The following PSMG2 variants were observed in gnomAD, a reference collection of about 807,000 sequenced individuals.
PSMG2 encodes CD40 ligand-activated specific transcript 3.
PSMG2 carries 21 observed loss-of-function variants against 31.5 expected under a neutral mutation model. That is an observed-to-expected ratio of 0.67 (90% CI 0.47 to 0.96). The LOEUF (loss-of-function observed/expected upper bound fraction) is 0.96, where lower values mean the gene tolerates loss of function less well. PSMG2 is among the 40% of genes least tolerant of loss of function. The pLI, the probability that PSMG2 is intolerant of heterozygous loss-of-function variation, is 0.00. For synonymous variants in PSMG2, 120 were observed against 110.4 expected, an observed-to-expected ratio of 1.09 and a Z score of -0.54; for missense variants, 318 against 321.2, an observed-to-expected ratio of 0.99 and a Z score of 0.08.
intron 1 of PSMG2, among the ~76,000 whole-genome samples, chr18:12,688,828 T>C (rs1044583605): frequency 2.6e-5 from 4 of 152,036 alleles, no homozygotes; most frequent in Admixed American, 2.6e-4. Flanking sequence ...TTGCAAAAAG[T>C]TCTTGGCCAG....
chr18:12,712,607 C>T (rs1381402833), intron 2 of PSMG2, 95 bp from the exon 3 acceptor site: 3 of 860,972 alleles, frequency 3.5e-6, no homozygotes, highest in Admixed American at 4.6e-5. Context: ...CATTTAAATG[C>T]AAAAGGTATT....
chr18:12,709,532 C>G (rs1212397341), intron 2 of PSMG2, among the ~76,000 whole-genome samples: 1 of 150,106 alleles, frequency 6.7e-6, no homozygotes, highest in East Asian at 2.0e-4. Context: ...GAGTTTTGCT[C>G]TTGTTGCCCA....
intron 1 of PSMG2, among the ~76,000 whole-genome samples, chr18:12,666,796 A>C (rs1273388391): frequency 6.6e-6 from 1 of 152,108 alleles, no homozygotes; most frequent in Non-Finnish European, 1.5e-5. Flanking sequence ...CATTTAGAAC[A>C]ACCTCTACTT....
intron 2 of PSMG2, among the ~76,000 whole-genome samples, chr18:12,709,453 A>T (rs1368243327): frequency 6.6e-6 from 1 of 151,592 alleles, no homozygotes; most frequent in Admixed American, 6.6e-5. Context: ...CAGCCTCCCA[A>T]GAAGCTGGGA....
At chr18:12,715,011 G>A (rs2040364521) in intron 3 of PSMG2, among the ~76,000 whole-genome samples, 1 of 150,276 alleles carries the variant, frequency 6.7e-6, no homozygotes, top group African/African-American at 2.5e-5. Flanking sequence ...ACTGTGCCCG[G>A]CCCTCTTTTT....
chr18:12,683,655 G>T (rs945810694), intron 1 of PSMG2, among the ~76,000 whole-genome samples: 4 of 151,612 alleles, frequency 2.6e-5, no homozygotes, highest in African/African-American at 9.7e-5. Flanking sequence ...GGAGGCTGAG[G>T]CAGGAGAATC....
intron 1 of PSMG2, among the ~76,000 whole-genome samples, chr18:12,667,612 T>A (rs1390142707): frequency 6.6e-6 from 1 of 151,296 alleles, no homozygotes; most frequent in Non-Finnish European, 1.5e-5. Flanking sequence ...AATACAAAAA[T>A]TAGCCGGGCG....
chr18:12,665,822 C>T (rs1171734394), intron 1 of PSMG2, among the ~76,000 whole-genome samples: 2 of 152,210 alleles, frequency 1.3e-5, no homozygotes, highest in South Asian at 2.1e-4. Flanking sequence ...CTCAGCCTCC[C>T]GAGTAGCTGC....
chr18:12,671,642 CTTTTTTTTTTT>C (rs869130220), intron 1 of PSMG2, among the ~76,000 whole-genome samples: 3 of 55,544 alleles, frequency 5.4e-5, no homozygotes, highest in African/African-American at 1.3e-4. Flanking sequence ...TTCACACTTT[CTTTTTTTTTTT>C]TTTTTTTTTT....
intron 3 of PSMG2, among the ~76,000 whole-genome samples, chr18:12,715,957 A>G (rs2145145204): frequency 6.6e-6 from 1 of 152,368 alleles, no homozygotes; most frequent in East Asian, 1.9e-4. Flanking sequence ...AGAGGACCCC[A>G]TAATGCGTCC....
intron 1 of PSMG2, among the ~76,000 whole-genome samples, chr18:12,663,816 A>G (rs770574629): frequency 6.6e-6 from 1 of 152,074 alleles, no homozygotes; most frequent in Admixed American, 6.6e-5. Flanking sequence ...CCCAGGCTGG[A>G]TGGAGTGCAG....
At chr18:12,695,225 CAAAA>C (rs761635273) in intron 1 of PSMG2, 1 of 1,042,032 alleles carries the variant, frequency 9.6e-7, no homozygotes, top group Admixed American at 2.5e-5. Flanking sequence ...AACAAACACA[CAAAA>C]AAAGAGAAAC....
rs1340651900 is a variant in PSMG2, at chr18:12,697,501, TTA to T, written c.-36-9044_-36-9043del. On this transcript the variant is annotated intron_variant, in intron 1 of 6. Coordinates refer to the PSMG2 transcript ENST00000585331. ...TTTTATTAAACAGTAAATAATAAGCTTATATAAAACCAAAGAGAACAATTTGC... is the reference window on the plus strand; with the variant it reads ...TTTTATTAAACAGTAAATAATAAGCTTATAAAACCAAAGAGAACAATTTGC... 3.4e-6 allele frequency: 3 copies of T among 879,500 alleles called. No homozygotes were observed. The African/African-American group carries it at 5.2e-5, about 15-fold the overall frequency. 54.5% of individuals were successfully genotyped at this position (879,500 alleles called of 1,614,324 possible). A position where few individuals can be genotyped will look rare whatever the true frequency, so the allele number is the denominator to read the frequency against.
chr18:12,718,028 T>G (rs1380839631), intron 3 of PSMG2, among the ~76,000 whole-genome samples: 4 of 114,450 alleles, frequency 3.5e-5, no homozygotes, highest in Non-Finnish European at 6.1e-5. Flanking sequence ...TTTTTTTTTT[T>G]GAGAAAGTTT....
At position 12,706,891 on chromosome 18, in the gene PSMG2, G is replaced by T. The variant is rs867041400; in HGVS notation, c.229+170G>T. On this transcript the variant is annotated intron_variant, in intron 2 of 6. Coordinates refer to ENST00000317615, the MANE Select transcript of PSMG2 (RefSeq NM_020232.5). ...ATTCTTTTATGTCCTGGTTTTAGTT[G>T]TTGTTAGCCTCTTGTAAATGGCAAG... Among the ~76,000 whole-genome samples the T allele has an allele frequency of 5.9e-5, 9 of 151,918 alleles. No homozygotes were observed. In the South Asian group the frequency reaches 1.7e-3, roughly 28 times the overall value.
chr18:12,682,128 A>G (rs1408865797), intron 1 of PSMG2, among the ~76,000 whole-genome samples: 3 of 152,202 alleles, frequency 2.0e-5, no homozygotes, highest in Admixed American at 6.5e-5. Context: ...AGCAAAAATA[A>G]CTATTTGAGT....
At chr18:12,694,574 T>C (rs1432867366) in intron 1 of PSMG2, among the ~76,000 whole-genome samples, 1 of 152,174 alleles carries the variant, frequency 6.6e-6, no homozygotes, top group Middle Eastern at 3.2e-3. Context: ...GGCAAGCACT[T>C]CTACCCTGAG....
At chr18:12,683,186 C>CAA (rs765652085) in intron 1 of PSMG2, among the ~76,000 whole-genome samples, 1,734 of 63,650 alleles carry the variant, frequency 0.027, 104 homozygotes, top group African/African-American at 0.097. Context: ...CTAAAAATAC[C>CAA]AAAAAAAAAA....
In PSMG2 at chr18:12,697,537, CAGAA is replaced by C. The variant is rs890032753; in HGVS notation, c.-36-9010_-36-9007del. On this transcript the variant is annotated intron_variant, in intron 1 of 6. Coordinates refer to the PSMG2 transcript ENST00000585331. ...CAAAGAGAACAATTTGCTAATGTCT[CAGAA>C]AGCATGCAAAAAACTGGAAATACAA... 4 of 650,852 alleles carry C rather than the reference CAGAA, an allele frequency of 6.1e-6. No individual in the cohort carries two copies. The African/African-American group carries it at 7.5e-5, about 12-fold the overall frequency. 40.3% of individuals were successfully genotyped at this position (650,852 alleles called of 1,614,324 possible).
Sources: gnomAD v4.1 joint callset for allele counts (sites outside exome capture counted in the v4.1 genomes callset) on GRCh38, gnomAD v4.1.1 for gene constraint, MANE v1.5 for transcripts, NCBI Gene and HGNC (gene_info 2026-07-23, HGNC 2026-07-21) for gene names.